Variants in DPH6 observed in about 807,000 individuals in gnomAD.
DPH6 encodes the protein diphthine--ammonia ligase.
Under a neutral mutation model 38.2 loss-of-function variants are expected in DPH6, and 33 were observed. The ratio of observed to expected loss-of-function variants is 0.86; its 90% CI spans 0.65 to 1.15. DPH6 has a LOEUF of 1.15. Among genes scored for constraint, DPH6 ranks in the 50% most tolerant of loss-of-function variants. The probability of loss-of-function intolerance (pLI) is 0.00; values close to 1 mark genes in which losing one functional copy is unlikely to be tolerated. For synonymous variants in DPH6, 108 were observed against 103.0 expected (o/e 1.05, Z -0.30); for missense variants, 325 against 320.0 (o/e 1.02, Z -0.12).
At chr15:35,230,130 G>A (rs2051506936) in intron 3 of DPH6, among the ~76,000 whole-genome samples, 1 of 152,212 alleles carries the variant, frequency 6.6e-6, no homozygotes, top group South Asian at 2.1e-4. Context: ...TAGGCCCCAG[G>A]CAGGTCCAGA....
chr15:35,337,859 G>A (rs888681574), intron 3 of DPH6, among the ~76,000 whole-genome samples: 2 of 151,914 alleles, frequency 1.3e-5, no homozygotes, highest in East Asian at 3.9e-4. Context: ...ACAGAACAGA[G>A]CCCTCAGAAA....
At chr15:35,409,763 A>C (rs1292597021) in intron 6 of DPH6, among the ~76,000 whole-genome samples, 1 of 151,928 alleles carries the variant, frequency 6.6e-6, no homozygotes, top group Non-Finnish European at 1.5e-5. Context: ...TAAGCATAGA[A>C]AGCAACCATG....
intron 3 of DPH6, chr15:35,489,345 C>A (rs2054446041): frequency 1.0e-6 from 1 of 985,294 alleles, no homozygotes; most frequent in African/African-American, 1.7e-5. Context: ...TTTGAAAGTG[C>A]TCCAATCCCT....
intron 3 of DPH6, among the ~76,000 whole-genome samples, chr15:35,490,869 A>G (rs60508965): frequency 2.0e-5 from 3 of 152,054 alleles, no homozygotes; most frequent in Non-Finnish European, 2.9e-5. Context: ...ATTCAGCTCA[A>G]GGTTCTGGAG....
chr15:35,430,809 T>A (rs2053623581), intron 5 of DPH6, among the ~76,000 whole-genome samples: 1 of 152,156 alleles, frequency 6.6e-6, no homozygotes, highest in Non-Finnish European at 1.5e-5. Flanking sequence ...GTGACACTGC[T>A]CCAGTTTCCT....
At chr15:35,414,347 G>C (rs1443397120) in intron 5 of DPH6, among the ~76,000 whole-genome samples, 1 of 151,672 alleles carries the variant, frequency 6.6e-6, no homozygotes, top group Non-Finnish European at 1.5e-5. Flanking sequence ...CAGTATGATA[G>C]TGGCTCCCAT....
chr15:35,521,990 T>G (rs530286111), intron 3 of DPH6: 3 of 1,477,218 alleles, frequency 2.0e-6, no homozygotes, highest in Admixed American at 5.1e-5. Context: ...AGCCGTCAAC[T>G]ACCAGCAAGC....
At chr15:35,352,052 T>G (rs1232437296) in intron 3 of DPH6, among the ~76,000 whole-genome samples, 1 of 152,220 alleles carries the variant, frequency 6.6e-6, no homozygotes, top group Non-Finnish European at 1.5e-5. Context: ...ATGTTTAAAT[T>G]GAAAAATATT....
the DPH6 span, among the ~76,000 whole-genome samples, chr15:35,146,139 CAA>C: frequency 6.6e-6 from 1 of 150,492 alleles, no homozygotes; most frequent in Non-Finnish European, 1.5e-5. Flanking sequence ...GCACTTTATT[CAA>C]AGTTTTACTC....
intron 6 of DPH6, among the ~76,000 whole-genome samples, chr15:35,395,937 G>A (rs2053125994): frequency 6.6e-6 from 1 of 152,244 alleles, no homozygotes; most frequent in African/African-American, 2.4e-5. Context: ...AATTCTATCA[G>A]TACCACATGA....
chr15:35,185,626 T>C, the DPH6 span, among the ~76,000 whole-genome samples: 5 of 151,498 alleles, frequency 3.3e-5, no homozygotes, highest in African/African-American at 1.2e-4. Context: ...ACCAAATAAA[T>C]GACAATTTTC....
intron 3 of DPH6, among the ~76,000 whole-genome samples, chr15:35,332,085 C>G (rs978439971): frequency 2.0e-5 from 3 of 152,214 alleles, no homozygotes; most frequent in African/African-American, 7.2e-5. Context: ...AAACTCCTTA[C>G]ATTGCTTCGA....
At chr15:35,422,847 G>A (rs2053523296) in intron 5 of DPH6, among the ~76,000 whole-genome samples, 2 of 151,816 alleles carry the variant, frequency 1.3e-5, no homozygotes, top group Non-Finnish European at 3.0e-5. Flanking sequence ...ATTTTACATA[G>A]TATAAGGTCC....
At chr15:35,261,836 A>AT (rs1233278312) in intron 3 of DPH6, among the ~76,000 whole-genome samples, 1 of 151,922 alleles carries the variant, frequency 6.6e-6, no homozygotes. Flanking sequence ...CTCTCTTAAA[A>AT]AAAAAAAAAT....
the DPH6 span, among the ~76,000 whole-genome samples, chr15:35,146,492 G>A: frequency 1.6e-4 from 25 of 152,150 alleles, no homozygotes; most frequent in African/African-American, 5.8e-4. Flanking sequence ...TACTTTGGAT[G>A]TTATGATGAG....
intron 3 of DPH6, among the ~76,000 whole-genome samples, chr15:35,362,360 T>TC (rs1191596735): frequency 6.6e-6 from 1 of 152,134 alleles, no homozygotes; most frequent in Non-Finnish European, 1.5e-5. Flanking sequence ...CTGTCAGCAC[T>TC]CCAAGTCAGG....
At chr15:35,534,653 A>T (rs549204086) in intron 3 of DPH6, among the ~76,000 whole-genome samples, 27 of 152,084 alleles carry the variant, frequency 1.8e-4, no homozygotes, top group African/African-American at 3.9e-4. Flanking sequence ...AAATACATTT[A>T]AAAATAAAGA....
intron 3 of DPH6, among the ~76,000 whole-genome samples, chr15:35,246,252 C>G (rs180739677): frequency 6.6e-6 from 1 of 152,284 alleles, no homozygotes; most frequent in African/African-American, 2.4e-5. Context: ...CAGGGACGCA[C>G]GTGAAAGTAA....
At chr15:35,285,998 C>T (rs1217196028) in intron 3 of DPH6, among the ~76,000 whole-genome samples, 1 of 149,632 alleles carries the variant, frequency 6.7e-6, no homozygotes, top group Non-Finnish European at 1.5e-5. Context: ...GAAAAATCAT[C>T]CAAATGCTAT....
Sources: allele counts gnomAD v4.1 joint callset (sites outside exome capture counted in the v4.1 genomes callset), GRCh38; gene constraint gnomAD v4.1.1; transcripts MANE v1.5; gene names NCBI Gene and HGNC (gene_info 2026-07-23, HGNC 2026-07-21).